Variants in ABCC12 observed in about 807,000 individuals in gnomAD.
ABCC12 encodes the protein ATP-binding cassette sub-family C member 12.
Under a neutral mutation model 151.1 loss-of-function variants are expected in ABCC12, and 142 were observed. The observed-to-expected ratio is 0.94, with a 90% CI of 0.82 to 1.08. The LOEUF is 1.08. ABCC12 is among the 50% of genes least tolerant of loss of function. The pLI is 0.00. For missense variants in ABCC12, 1,638 were observed against 1,691.1 expected (o/e 0.97, Z 0.55); for synonymous variants, 645 against 646.4 (o/e 1.00, Z 0.03).
At chr16:48,106,400 A>G (rs1318549376) in intron 20 of ABCC12, among the ~76,000 whole-genome samples, 2 of 152,172 alleles carry the variant, frequency 1.3e-5, no homozygotes, top group African/African-American at 4.8e-5. Context: ...GGGCAAACAC[A>G]TGGTTCAGCC....
chr16:48,097,505 C>T (rs1217268242), intron 23 of ABCC12, among the ~76,000 whole-genome samples: 1 of 152,198 alleles, frequency 6.6e-6, no homozygotes, highest in Non-Finnish European at 1.5e-5. Context: ...CCTTGCATCC[C>T]TGCTGCACGT....
rs143244509 is a variant in ABCC12, at chr16:48,130,842, C to T, written c.1182G>A (p.Leu394=). The part of the protein sequence containing the change: ...FNVMKFSIAI[L]PFSIKAMAEA... ...CAGCCATTGCTTTGATGGAGAAGGG[C>T]AAGATTGCAATGGAAAACTTCATTA... The change falls in exon 10 of 31, where the codon TTG becomes TTA. Residue 394 remains leucine, a synonymous_variant. Transcript: ENST00000311303. 1.2e-6 allele frequency: 2 copies of T among 1,613,744 alleles called. No homozygotes were observed. Among genetic ancestry groups the T allele is most frequent in the African/African-American group, 2.7e-5 (2 of 74,910 alleles).
In ABCC12 at chr16:48,124,250, C is replaced by CTTCCCACA. The variant is rs921043412; in HGVS notation, c.1542_1549dup (p.Ser517MetfsTer14). The CTTCCCACA allele has an allele frequency of 1.9e-6, 3 of 1,614,254 alleles. No individual in the cohort carries two copies. Among genetic ancestry groups the CTTCCCACA allele is most frequent in the Non-Finnish European group, 8.5e-7 (1 of 1,180,044 alleles). The stretch of plus-strand genomic sequence containing the variant: ...AGCTGCAAGGAGGGAGCTCTTTCCA[C>CTTCCCACA]TTCCCACATTCCCACATATTCCCAA... On this transcript the variant is annotated frameshift_variant, in exon 12 of 31. Coordinates refer to ENST00000311303, the MANE Select transcript of ABCC12 (RefSeq NM_001393797.1). LOFTEE classifies it high-confidence loss of function.
rs1962348881 is a variant in ABCC12 at position 48,081,661 on chromosome 16, A to T, written c.*2054T>A. 6.6e-6 allele frequency among the ~76,000 whole-genome samples: 1 copy of T among 152,230 alleles called. No homozygotes were observed. Among genetic ancestry groups the T allele is most frequent in the Admixed American group, 6.5e-5 (1 of 15,288 alleles). On this transcript the variant is annotated 3_prime_UTR_variant, in exon 31 of 31. Coordinates refer to ENST00000311303, the MANE Select transcript of ABCC12 (RefSeq NM_001393797.1). ...AAAAAATGCTTGTCACAGTCCTGGC[A>T]CACTGCAAGGTCTCAGTAGACATCA...
intron 10 of ABCC12, among the ~76,000 whole-genome samples, chr16:48,130,169 C>T (rs1964372758): frequency 6.6e-6 from 1 of 152,186 alleles, no homozygotes; most frequent in African/African-American, 2.4e-5. Context: ...CTTTCCTCTC[C>T]TCAGTTGAAC....
rs959137799 is a variant in ABCC12 at position 48,084,193 on chromosome 16, T to C, written c.3829-120A>G. On this transcript the variant is annotated intron_variant, in intron 29 of 30. Coordinates refer to ENST00000311303, the MANE Select transcript of ABCC12 (RefSeq NM_001393797.1). ...AATAAGACCACAAGATGAAAAGTAA[T>C]TAGCTAAACATCCATCTCAAAAAAG... The C allele has an allele frequency of 2.8e-5, 29 of 1,030,444 alleles. No individual in the cohort carries two copies. The African/African-American group carries it at 3.3e-4, about 12-fold the overall frequency. 63.8% of individuals were successfully genotyped at this position (1,030,444 alleles called of 1,614,324 possible).
intron 24 of ABCC12, among the ~76,000 whole-genome samples, chr16:48,091,762 C>T (rs1962907857): frequency 6.6e-6 from 1 of 152,162 alleles, no homozygotes; most frequent in African/African-American, 2.4e-5. Flanking sequence ...AAAAGCCAAC[C>T]CCAAGATTTG....
chr16:48,111,666 G>A lies in ABCC12; in HGVS notation c.2125-4C>T. 2.5e-6 allele frequency: 4 copies of A among 1,614,110 alleles called. No individual in the cohort carries two copies. The highest frequency in any genetic ancestry group is 3.4e-6 in the Non-Finnish European group (4 of 1,180,034). On this transcript the variant is annotated splice_region_variant and splice_polypyrimidine_tract_variant and intron_variant, in intron 16 of 30. Coordinates refer to ENST00000311303, the MANE Select transcript of ABCC12 (RefSeq NM_001393797.1). ...CATTGTAAAGGTGTTCAGGATCCTGGAGACAAAATGAAATTCCTTCTGAAT... is the reference window on the plus strand; with the variant it reads ...CATTGTAAAGGTGTTCAGGATCCTGAAGACAAAATGAAATTCCTTCTGAAT...
chr16:48,100,910 G>A lies in ABCC12; in HGVS notation c.3000C>T (p.Ile1000=), dbSNP rs1963283261. The change falls in exon 23 of 31, where the codon ATC becomes ATT. Residue 1000 remains isoleucine (I), a synonymous_variant. Transcript: ENST00000311303. ...HITSSMQGLG[I]IHAYGKKESC... ...TCTCCTTCTTGCCATAGGCGTGAAT[G>A]ATGCCCAGGCCCTGCATGGAGGAGG... 6.2e-7 allele frequency: 1 copy of A among 1,614,230 alleles called. No homozygotes were observed. Among genetic ancestry groups the A allele is most frequent in the Non-Finnish European group, 8.5e-7 (1 of 1,180,028 alleles).
At chr16:48,155,191 G>A (rs1181359581) in intron 1 of ABCC12, among the ~76,000 whole-genome samples, 1 of 152,106 alleles carries the variant, frequency 6.6e-6, no homozygotes, top group Non-Finnish European at 1.5e-5. Context: ...GAAGGGAAGT[G>A]GGGGTGCTTT....
At chr16:48,137,751 T>TA (rs35526911) in intron 8 of ABCC12, among the ~76,000 whole-genome samples, 3 of 152,178 alleles carry the variant, frequency 2.0e-5, no homozygotes, top group South Asian at 4.1e-4. Context: ...ATATCAGCTT[T>TA]AAAAAAAGTA....
At chr16:48,148,695 G>C (rs900983457) in intron 2 of ABCC12, among the ~76,000 whole-genome samples, 4 of 151,730 alleles carry the variant, frequency 2.6e-5, no homozygotes, top group Non-Finnish European at 4.4e-5. Flanking sequence ...CTGCACTCCA[G>C]CCATGTGGAA....
intron 29 of ABCC12, among the ~76,000 whole-genome samples, chr16:48,085,298 G>A (rs1962538956): frequency 6.6e-6 from 1 of 152,152 alleles, no homozygotes. Context: ...GAGACAATGG[G>A]AGAAAGTTGG....
chr16:48,105,198 C>G lies in ABCC12; in HGVS notation c.2614G>C (p.Val872Leu), dbSNP rs374603154. ...GCCATCAGTGTGGTCTTGGTGAAGA[C>G]GAAGCCTTTGGTGACGCCAAACACC... ...MLVFGVTKGF[V>L]FTKTTLMASS... Residue 872 changes from valine to leucine, a missense_variant, in exon 21 of 31, where the codon GTC (valine) becomes CTC (leucine). Val to Leu is a conservative substitution (Grantham distance 32, BLOSUM62 1). Coordinates refer to ENST00000311303, the MANE Select transcript of ABCC12 (RefSeq NM_001393797.1). The G allele has an allele frequency of 6.2e-7, 1 of 1,614,168 alleles. No homozygotes were observed. The highest frequency in any genetic ancestry group is 1.1e-5 in the South Asian group (1 of 91,082).
chr16:48,104,835 G>A (rs899437697), intron 21 of ABCC12, among the ~76,000 whole-genome samples: 3 of 152,234 alleles, frequency 2.0e-5, no homozygotes, highest in Non-Finnish European at 4.4e-5. Context: ...CTTGAGGGCC[G>A]TGTCGCACTC....
At chr16:48,119,436 T>A (rs1234592877) in intron 13 of ABCC12, among the ~76,000 whole-genome samples, 1 of 152,266 alleles carries the variant, frequency 6.6e-6, no homozygotes, top group Admixed American at 6.5e-5. Flanking sequence ...ATCATTTTGA[T>A]GAATAAGGCA....
At chr16:48,110,622 T>C (rs571316572) in intron 18 of ABCC12, among the ~76,000 whole-genome samples, 2 of 152,032 alleles carry the variant, frequency 1.3e-5, no homozygotes, top group African/African-American at 4.8e-5. Flanking sequence ...CCACATCTCG[T>C]CTCCCCACCT....
intron 24 of ABCC12, 37 bp downstream of exon 24, chr16:48,096,708 AG>A (rs1679061284): frequency 3.1e-6 from 5 of 1,608,282 alleles, no homozygotes; most frequent in Non-Finnish European, 3.4e-6. Flanking sequence ...TACAGGCCGG[AG>A]CCTCCAGACT....
chr16:48,119,354 T>A (rs956393584), intron 13 of ABCC12, among the ~76,000 whole-genome samples: 3 of 152,254 alleles, frequency 2.0e-5, no homozygotes, highest in African/African-American at 7.2e-5. Flanking sequence ...AGGGCAAAGA[T>A]ACACCTGAGC....
Sources: allele counts gnomAD v4.1 joint callset (sites outside exome capture counted in the v4.1 genomes callset), GRCh38; gene constraint gnomAD v4.1.1; transcripts MANE v1.5; gene names NCBI Gene and HGNC (gene_info 2026-07-23, HGNC 2026-07-21).